Variants in ZMAT3 observed in about 807,000 individuals in gnomAD.
The protein encoded by ZMAT3 is zinc finger matrin-type protein 3.
A neutral mutation model predicts 32.3 loss-of-function variants in ZMAT3; 17 were observed. The observed-to-expected ratio is 0.53, with a 90% confidence interval of 0.36 to 0.79. The LOEUF is 0.79. Ranked by LOEUF, ZMAT3 falls within the 30% of genes least tolerant of loss-of-function variation. The pLI is 0.00. For synonymous variants in ZMAT3, 120 were observed against 133.1 expected (o/e 0.90, Z 0.68); for missense variants, 329 against 359.7 (o/e 0.91, Z 0.69).
At chr3:179,069,362 C>T (rs577685422) in intron 1 of ZMAT3, among the ~76,000 whole-genome samples, 2 of 152,104 alleles carry the variant, frequency 1.3e-5, no homozygotes, top group African/African-American at 4.8e-5. Flanking sequence ...CGCCGTCTAA[C>T]CCTGAGTGTC....
intron 2 of ZMAT3, among the ~76,000 whole-genome samples, chr3:179,064,771 G>C (rs531491561): frequency 6.6e-6 from 1 of 152,202 alleles, no homozygotes; most frequent in Admixed American, 6.5e-5. Context: ...TTTTATTACT[G>C]CTTATTCATG....
intron 2 of ZMAT3, among the ~76,000 whole-genome samples, chr3:179,048,203 G>A (rs915233548): frequency 1.3e-5 from 2 of 152,202 alleles, no homozygotes; most frequent in African/African-American, 4.8e-5. Flanking sequence ...TGTTCCTGAG[G>A]AAGAAGAGAA....
chr3:179,030,850 T>C, intron 3 of ZMAT3, 30 bp downstream of exon 3: 1 of 1,599,936 alleles, frequency 6.3e-7, no homozygotes, highest in Non-Finnish European at 8.5e-7. Context: ...TCCACCCTAA[T>C]GCTGCTTCAC....
At position 179,023,605 on chromosome 3, in the gene ZMAT3, A is replaced by C. The variant is rs1368796657; in HGVS notation, c.*1412T>G. 2 of 144,316 alleles carry C rather than the reference A, an allele frequency of 1.4e-5. No individual in the cohort carries two copies. The highest frequency in any genetic ancestry group is 4.1e-4 in the East Asian group (2 of 4,864). The allele number at this position is 144,316 out of a possible 1,614,324, so 8.9% of individuals were successfully genotyped here. On this transcript the variant is annotated 3_prime_UTR_variant, in exon 6 of 6. Coordinates refer to ENST00000311417, the MANE Select transcript of ZMAT3 (RefSeq NM_022470.4). ...GCAATCTGAACTTATGGTTTAGATC[A>C]TGATATAAGCGCATGTTACTATCAA...
chr3:179,055,383 T>C (rs962850319), intron 2 of ZMAT3, among the ~76,000 whole-genome samples: 1 of 152,090 alleles, frequency 6.6e-6, no homozygotes, highest in Non-Finnish European at 1.5e-5. Flanking sequence ...ATGTGCAAAC[T>C]TTCTTTTCAT....
intron 3 of ZMAT3, 38 bp downstream of exon 3, chr3:179,030,842 C>T: frequency 6.3e-6 from 10 of 1,587,910 alleles, no homozygotes; most frequent in Non-Finnish European, 8.6e-6. Context: ...TTACAGCTTC[C>T]ACCCTAATGC....
intron 2 of ZMAT3, among the ~76,000 whole-genome samples, chr3:179,064,702 A>G (rs907012667): frequency 6.6e-6 from 1 of 152,176 alleles, no homozygotes; most frequent in Non-Finnish European, 1.5e-5. Flanking sequence ...AAGTGCTAGA[A>G]TTACAGGTGT....
intron 2 of ZMAT3, among the ~76,000 whole-genome samples, chr3:179,054,219 G>A (rs1158896065): frequency 6.6e-6 from 1 of 152,186 alleles, no homozygotes; most frequent in African/African-American, 2.4e-5. Flanking sequence ...CACTGTCAAG[G>A]ACTATCTCAG....
chr3:179,043,529 G>A (rs1362445463), intron 2 of ZMAT3, among the ~76,000 whole-genome samples: 2 of 152,204 alleles, frequency 1.3e-5, no homozygotes, highest in African/African-American at 4.8e-5. Context: ...TATGTAGAAA[G>A]CTGAAACTGG....
intron 3 of ZMAT3, 61 bp downstream of exon 3, chr3:179,030,819 C>A: frequency 6.4e-7 from 1 of 1,563,238 alleles, no homozygotes; most frequent in South Asian, 1.2e-5. Context: ...TCATCTATAA[C>A]CATTTGTGCA....
At chr3:179,060,458 G>A (rs1480585671) in intron 2 of ZMAT3, among the ~76,000 whole-genome samples, 3 of 151,690 alleles carry the variant, frequency 2.0e-5, no homozygotes, top group African/African-American at 4.8e-5. Flanking sequence ...CCTGGGCAAC[G>A]TGGTGAAACC....
rs529203818 is a variant in ZMAT3, at chr3:179,068,765, C to T, written c.-57-956G>A. On this transcript the variant is annotated intron_variant, in intron 1 of 5. Transcript: ENST00000311417. ...CAGAGGTGGCAAACAGCCTGTGGGCCACATACAGCCACAGATGTGCTGTTT... is the reference window on the plus strand; with the variant it reads ...CAGAGGTGGCAAACAGCCTGTGGGCTACATACAGCCACAGATGTGCTGTTT... Among the ~76,000 whole-genome samples, 3 of 152,280 alleles carry T rather than the reference C, an allele frequency of 2.0e-5. No individual in the cohort carries two copies. In the East Asian group the frequency reaches 5.8e-4, roughly 29 times the overall value.
At chr3:179,055,646 C>A (rs140902515) in intron 2 of ZMAT3, among the ~76,000 whole-genome samples, 27 of 152,306 alleles carry the variant, frequency 1.8e-4, no homozygotes, top group African/African-American at 6.0e-4. Flanking sequence ...GTGCCTGTAC[C>A]TTTTTCTCTC....
Position 179,021,686 on chromosome 3 carries a change from A to T in ZMAT3, c.*3331T>A, listed in dbSNP as rs1457060573. ...ACAGAGACAGACTGAGCTTCACAAAATGAAACCAACGAAGATCACATATCA... is the reference window on the plus strand; with the variant it reads ...ACAGAGACAGACTGAGCTTCACAAATTGAAACCAACGAAGATCACATATCA... On this transcript the variant is annotated 3_prime_UTR_variant, in exon 6 of 6. Coordinates refer to ENST00000311417, the MANE Select transcript of ZMAT3 (RefSeq NM_022470.4). 1 of 152,246 alleles carries T rather than the reference A, an allele frequency of 6.6e-6. No individual in the cohort carries two copies. Among genetic ancestry groups the T allele is most frequent in the Non-Finnish European group, 1.5e-5 (1 of 68,046 alleles). 9.4% of individuals were successfully genotyped at this position (152,246 alleles called of 1,614,324 possible).
At position 179,030,871 on chromosome 3, in the gene ZMAT3, ATG is replaced by A. The variant is rs1719144805; in HGVS notation, c.390+7_390+8del. 1 of 1,591,610 alleles carries A rather than the reference ATG, an allele frequency of 6.3e-7. No individual in the cohort carries two copies. Among genetic ancestry groups the A allele is most frequent in the Non-Finnish European group, 8.5e-7 (1 of 1,176,518 alleles). ...CTAATGCTGCTTCACCCTGACACAC[ATG>A]TCTCACCTGCGGAGGGACTGGAACA... On this transcript the variant is annotated splice_region_variant and intron_variant, in intron 3 of 5. Coordinates refer to ENST00000311417, the MANE Select transcript of ZMAT3 (RefSeq NM_022470.4).
rs1204694924 is a variant in ZMAT3 at position 179,046,476 on chromosome 3, G to A, written c.271-15477C>T. 6.6e-6 allele frequency among the ~76,000 whole-genome samples: 1 copy of A among 152,200 alleles called. No homozygotes were observed. The highest frequency in any genetic ancestry group is 1.5e-5 in the Non-Finnish European group (1 of 68,036). ...AATTTTGCTCCAAGAACTACAGCAG[G>A]AACATACCAGGAAAGCGGAGGGTAT... is the stretch of plus-strand genomic sequence containing the variant. On this transcript the variant is annotated intron_variant, in intron 2 of 5. Coordinates refer to ENST00000311417, the MANE Select transcript of ZMAT3 (RefSeq NM_022470.4). The surrounding 1 kb of genome is among the most constrained non-coding windows in gnomAD (Gnocchi z 4.3).
chr3:179,057,782 G>A (rs1399676657), intron 2 of ZMAT3, among the ~76,000 whole-genome samples: 1 of 152,196 alleles, frequency 6.6e-6, no homozygotes, highest in East Asian at 1.9e-4. Flanking sequence ...AACTAATAGG[G>A]TTCCTTAACG....
intron 2 of ZMAT3, among the ~76,000 whole-genome samples, chr3:179,039,349 A>T (rs948831887): frequency 1.3e-5 from 2 of 152,186 alleles, no homozygotes; most frequent in Admixed American, 6.5e-5. Flanking sequence ...CCCCTCTGGG[A>T]TGCAGATTCC....
intron 1 of ZMAT3, among the ~76,000 whole-genome samples, chr3:179,069,343 C>A (rs4955806): frequency 3.3e-5 from 5 of 151,960 alleles, no homozygotes; most frequent in East Asian, 1.9e-4. Context: ...CTGCCTCCCC[C>A]CCAGATGGCG....
Sources: allele counts gnomAD v4.1 joint callset (sites outside exome capture counted in the v4.1 genomes callset), GRCh38; gene constraint gnomAD v4.1.1; non-coding constraint Gnocchi (gnomAD v3.1); transcripts MANE v1.5; gene names NCBI Gene and HGNC (gene_info 2026-07-23, HGNC 2026-07-21).